Variants in C1GALT1 observed in about 807,000 individuals in gnomAD.
C1GALT1 encodes glycoprotein-N-acetylgalactosamine 3-beta-galactosyltransferase 1.
In C1GALT1, 11 loss-of-function variants were observed where a neutral mutation model predicts 31.0. The ratio of observed to expected loss-of-function variants is 0.36; its 90% CI spans 0.22 to 0.59. The LOEUF (loss-of-function observed/expected upper bound fraction) is 0.59, where lower values mean the gene tolerates loss of function less well. Among genes scored for constraint, C1GALT1 ranks in the 20% least tolerant of loss-of-function variants. The pLI is 0.79. For synonymous variants in C1GALT1, 175 were observed against 143.6 expected (o/e 1.22, Z -1.56); for missense variants, 424 against 425.2 (o/e 1.00, Z 0.03).
chr7:7,173,468 T>A (rs1299030626), intron 2 of C1GALT1, among the ~76,000 whole-genome samples: 2 of 152,240 alleles, frequency 1.3e-5, no homozygotes, highest in African/African-American at 4.8e-5. Context: ...AAGAATGGAT[T>A]AACACAAGGT....
chr7:7,173,532 T>A (rs1030268839), intron 2 of C1GALT1, among the ~76,000 whole-genome samples: 1 of 152,222 alleles, frequency 6.6e-6, no homozygotes, highest in Non-Finnish European at 1.5e-5. Flanking sequence ...CATTGAATAG[T>A]ATTCCATTGT....
At chr7:7,240,045 A>C (rs1370168647) in intron 3 of C1GALT1, among the ~76,000 whole-genome samples, 4 of 152,166 alleles carry the variant, frequency 2.6e-5, no homozygotes, top group Admixed American at 2.6e-4. Flanking sequence ...CTGTGGACCT[A>C]ACGTATAAAT....
intron 1 of C1GALT1, among the ~76,000 whole-genome samples, chr7:7,200,445 C>G (rs1335246521): frequency 6.6e-6 from 1 of 151,352 alleles, no homozygotes; most frequent in Non-Finnish European, 1.5e-5. Context: ...TGTGAGTAAC[C>G]TGACCTTTCA....
intron 2 of C1GALT1, among the ~76,000 whole-genome samples, chr7:7,174,866 C>T (rs1256739914): frequency 1.3e-5 from 2 of 152,070 alleles, no homozygotes; most frequent in Non-Finnish European, 2.9e-5. Context: ...CTTTAGTTCA[C>T]TGTCAATGTT....
chr7:7,221,318 G>T (rs1438113300), intron 1 of C1GALT1, among the ~76,000 whole-genome samples: 2 of 151,854 alleles, frequency 1.3e-5, no homozygotes, highest in Non-Finnish European at 2.9e-5. Context: ...TAATTTTTAG[G>T]AGTCTTTTGT....
chr7:7,175,357 G>C (rs771899427), intron 2 of C1GALT1, among the ~76,000 whole-genome samples: 1 of 152,236 alleles, frequency 6.6e-6, no homozygotes, highest in African/African-American at 2.4e-5. Context: ...CTTGCACTGT[G>C]CTAAGGGATC....
intron 1 of C1GALT1, among the ~76,000 whole-genome samples, chr7:7,228,090 A>G (rs1003102201): frequency 6.6e-6 from 1 of 152,186 alleles, no homozygotes; most frequent in Non-Finnish European, 1.5e-5. Flanking sequence ...TAGTTTGCAG[A>G]TGCTCTTAGT....
At chr7:7,205,819 T>C (rs1781715108) in intron 1 of C1GALT1, among the ~76,000 whole-genome samples, 1 of 152,234 alleles carries the variant, frequency 6.6e-6, no homozygotes, top group South Asian at 2.1e-4. Context: ...AGTGAGTCTT[T>C]AGTAGACAGC....
intron 1 of C1GALT1, among the ~76,000 whole-genome samples, chr7:7,221,088 A>G (rs1401007335): frequency 2.6e-5 from 4 of 152,130 alleles, no homozygotes; most frequent in Admixed American, 1.3e-4. Flanking sequence ...GTATCATTGG[A>G]TCCTTTCAGT....
chr7:7,215,982 T>C (rs1463795424), intron 1 of C1GALT1, among the ~76,000 whole-genome samples: 1 of 148,756 alleles, frequency 6.7e-6, no homozygotes, highest in Non-Finnish European at 1.5e-5. Flanking sequence ...TGAAAGTTAC[T>C]TTTTTTTTTA....
chr7:7,201,600 C>T (rs576702656), intron 1 of C1GALT1, among the ~76,000 whole-genome samples: 73 of 152,236 alleles, frequency 4.8e-4, no homozygotes, highest in African/African-American at 1.6e-3. Context: ...ACCAGGGAAG[C>T]GGGGGAAAGC....
chr7:7,212,203 T>C (rs1173075335), intron 1 of C1GALT1, among the ~76,000 whole-genome samples: 1 of 152,172 alleles, frequency 6.6e-6, no homozygotes, highest in Non-Finnish European at 1.5e-5. Context: ...CCCAAGAAAC[T>C]CGGAGCTTCC....
chr7:7,226,490 TATTCTTGA>T (rs1782765943), intron 1 of C1GALT1, among the ~76,000 whole-genome samples: 2 of 152,174 alleles, frequency 1.3e-5, no homozygotes, highest in African/African-American at 2.4e-5. Context: ...GGTGAAAGAA[TATTCTTGA>T]ACTGGTGGAG....
At chr7:7,158,263 G>C (rs1306608323) in intron 2 of C1GALT1, among the ~76,000 whole-genome samples, 2 of 152,152 alleles carry the variant, frequency 1.3e-5, no homozygotes, top group African/African-American at 4.8e-5. Flanking sequence ...CTAGTCTCCA[G>C]TGATCTACTG....
intron 1 of C1GALT1, among the ~76,000 whole-genome samples, chr7:7,217,952 G>A (rs903296618): frequency 7.2e-5 from 11 of 152,154 alleles, no homozygotes; most frequent in Non-Finnish European, 1.5e-4. Context: ...CAAGCTGAGC[G>A]GTATGTTAGA....
chr7:7,174,848 C>G (rs568277135), intron 2 of C1GALT1, among the ~76,000 whole-genome samples: 42 of 152,114 alleles, frequency 2.8e-4, no homozygotes, highest in African/African-American at 1.0e-3. Flanking sequence ...CATCATTTTC[C>G]TGGCTTCCTT....
At chr7:7,172,032 C>T (rs778449682) in intron 2 of C1GALT1, among the ~76,000 whole-genome samples, 1 of 152,068 alleles carries the variant, frequency 6.6e-6, no homozygotes, top group Non-Finnish European at 1.5e-5. Context: ...CTTATATTTG[C>T]CCTACCTTTA....
chr7:7,205,063 C>T (rs1781678972), intron 1 of C1GALT1, among the ~76,000 whole-genome samples: 1 of 152,104 alleles, frequency 6.6e-6, no homozygotes, highest in Admixed American at 6.5e-5. Context: ...TTGTGTTGTT[C>T]AAGTTCTCCA....
intron 3 of C1GALT1, 129 bp from the exon 4 acceptor site, chr7:7,243,395 C>T: frequency 1.4e-6 from 1 of 714,124 alleles, no homozygotes; most frequent in South Asian, 2.1e-5. Flanking sequence ...ACATTAGGTT[C>T]CTCTGCTTTA....
Sources: allele counts gnomAD v4.1 joint callset (sites outside exome capture counted in the v4.1 genomes callset), GRCh38; gene constraint gnomAD v4.1.1; transcripts MANE v1.5; gene names NCBI Gene and HGNC (gene_info 2026-07-23, HGNC 2026-07-21).